PRKG1: variants seen among roughly 807,000 people sequenced by gnomAD.
PRKG1 encodes cGMP-dependent protein kinase 1.
A neutral mutation model predicts 88.1 loss-of-function variants in PRKG1; 35 were observed. The observed-to-expected ratio is 0.40, with a 90% CI of 0.30 to 0.53. The LOEUF is 0.53. Ranked by LOEUF, PRKG1 falls within the 20% of genes least tolerant of loss-of-function variation. The pLI is 0.59. For synonymous variants in PRKG1, 303 were observed against 292.5 expected, an observed-to-expected ratio of 1.04 and a Z score of -0.37; for missense variants, 540 against 839.8, an observed-to-expected ratio of 0.64 and a Z score of 4.41.
rs1043522535 is a variant in PRKG1 at position 52,211,033 on chromosome 10, G to A, written c.1077-40537G>A. Among the ~76,000 whole-genome samples, 18 of 152,276 alleles carry A rather than the reference G, an allele frequency of 1.2e-4. 1 individual carries two copies. Among genetic ancestry groups the A allele is most frequent in the Admixed American group, 1.0e-3 (16 of 15,292 alleles). On this transcript the variant is annotated intron_variant, in intron 9 of 17. Coordinates refer to ENST00000373980, the MANE Select transcript of PRKG1 (RefSeq NM_006258.4). The stretch of plus-strand genomic sequence containing the variant: ...TATATAGTAAACATTTACTGAACAT[G>A]TGTCGGCTACTATACTAAGCAATGA...
chr10:52,094,427 T>C (rs1847127646), intron 7 of PRKG1, among the ~76,000 whole-genome samples: 1 of 152,176 alleles, frequency 6.6e-6, no homozygotes, highest in African/African-American at 2.4e-5. Context: ...GCTCTCTCTC[T>C]CTCTCTTTTA....
intron 8 of PRKG1, among the ~76,000 whole-genome samples, chr10:52,150,740 A>G (rs905154922): frequency 2.0e-5 from 3 of 152,186 alleles, no homozygotes; most frequent in African/African-American, 7.2e-5. Flanking sequence ...ACTAAAACAG[A>G]TACCTTGGGA....
chr10:51,414,599 T>C (rs1256480704), intron 2 of PRKG1, among the ~76,000 whole-genome samples: 1 of 152,174 alleles, frequency 6.6e-6, no homozygotes, highest in Admixed American at 6.5e-5. Flanking sequence ...GTGGTAACAA[T>C]ATGCCAAATA....
intron 5 of PRKG1, among the ~76,000 whole-genome samples, chr10:51,937,449 C>T (rs1438677661): frequency 3.3e-5 from 5 of 151,960 alleles, no homozygotes; most frequent in Non-Finnish European, 5.9e-5. Flanking sequence ...CATATTGAAA[C>T]AGGCCATGGT....
At chr10:52,173,030 G>A (rs952082519) in intron 9 of PRKG1, among the ~76,000 whole-genome samples, 2 of 152,158 alleles carry the variant, frequency 1.3e-5, no homozygotes, top group Non-Finnish European at 2.9e-5. Flanking sequence ...TTTTGGAATC[G>A]TAACTCCCTT....
At chr10:51,309,126 C>T (rs1043890750) in intron 2 of PRKG1, among the ~76,000 whole-genome samples, 2 of 152,154 alleles carry the variant, frequency 1.3e-5, no homozygotes, top group Non-Finnish European at 2.9e-5. Flanking sequence ...TCCAGTTGGT[C>T]AAGTGCAACA....
At chr10:52,208,125 T>C (rs950870243) in intron 9 of PRKG1, among the ~76,000 whole-genome samples, 1 of 152,160 alleles carries the variant, frequency 6.6e-6, no homozygotes, top group Non-Finnish European at 1.5e-5. Flanking sequence ...CCAGAATTTG[T>C]CTTTTTAACC....
chr10:52,253,695 G>T (rs1004006215), intron 10 of PRKG1, among the ~76,000 whole-genome samples: 4 of 151,584 alleles, frequency 2.6e-5, no homozygotes, highest in African/African-American at 7.3e-5. Flanking sequence ...TCCTCTCATG[G>T]ATATTATATT....
At chr10:52,089,896 C>A (rs1310292008) in intron 7 of PRKG1, among the ~76,000 whole-genome samples, 1 of 139,806 alleles carries the variant, frequency 7.2e-6, no homozygotes, top group Non-Finnish European at 1.5e-5. Context: ...CTCACTGCAA[C>A]CTCTGCCTGC....
At chr10:50,999,641 T>C (rs1450445017) in intron 1 of PRKG1, among the ~76,000 whole-genome samples, 2 of 152,238 alleles carry the variant, frequency 1.3e-5, no homozygotes, top group African/African-American at 4.8e-5. Flanking sequence ...TTGCAAATAT[T>C]TGTGGGTCTA....
At chr10:51,415,591 T>C (rs1838213764) in intron 2 of PRKG1, among the ~76,000 whole-genome samples, 1 of 152,162 alleles carries the variant, frequency 6.6e-6, no homozygotes, top group Admixed American at 6.5e-5. Flanking sequence ...AGATTGCTCA[T>C]ACAGGCAGAA....
At chr10:52,136,898 C>T (rs906228669) in intron 8 of PRKG1, among the ~76,000 whole-genome samples, 1 of 152,012 alleles carries the variant, frequency 6.6e-6, no homozygotes, top group Non-Finnish European at 1.5e-5. Flanking sequence ...GAAAAATCAG[C>T]TTGAGTCTAA....
chr10:51,430,654 T>G (rs1838735178), intron 2 of PRKG1, among the ~76,000 whole-genome samples: 1 of 152,140 alleles, frequency 6.6e-6, no homozygotes, highest in African/African-American at 2.4e-5. Flanking sequence ...TGAAAACAAC[T>G]ATTTATAGCA....
intron 10 of PRKG1, among the ~76,000 whole-genome samples, chr10:52,268,977 T>G (rs1258782988): frequency 6.6e-6 from 1 of 151,822 alleles, no homozygotes; most frequent in African/African-American, 2.4e-5. Context: ...TTGCTTAGAC[T>G]GAGAGGGACT....
At chr10:51,343,140 A>C (rs1011968327) in intron 2 of PRKG1, among the ~76,000 whole-genome samples, 2 of 152,202 alleles carry the variant, frequency 1.3e-5, no homozygotes, top group Non-Finnish European at 2.9e-5. Context: ...TAGTTGTTGG[A>C]CTTCAGAATC....
intron 3 of PRKG1, among the ~76,000 whole-genome samples, chr10:51,478,233 A>G (rs1258036855): frequency 6.6e-6 from 1 of 152,132 alleles, no homozygotes; most frequent in Non-Finnish European, 1.5e-5. Context: ...TTAAAACAGT[A>G]ACTATTTTAA....
intron 1 of PRKG1, among the ~76,000 whole-genome samples, chr10:51,099,204 A>G (rs988794410): frequency 2.6e-5 from 4 of 152,120 alleles, no homozygotes; most frequent in African/African-American, 9.7e-5. Flanking sequence ...TAGTAGCCTC[A>G]TACCAACATG....
intron 3 of PRKG1, among the ~76,000 whole-genome samples, chr10:51,725,426 C>T (rs1380270598): frequency 7.0e-6 from 1 of 142,712 alleles, no homozygotes; most frequent in Non-Finnish European, 1.6e-5. Flanking sequence ...TAAAAAGACA[C>T]TTAGGCAACT....
chr10:52,130,927 A>G lies in PRKG1; in HGVS notation c.936-2913A>G, dbSNP rs1383033163. Among the ~76,000 whole-genome samples, 7 of 152,304 alleles carry G rather than the reference A, an allele frequency of 4.6e-5. No homozygotes were observed. In the East Asian group the frequency reaches 1.3e-3, roughly 29 times the overall value. On this transcript the variant is annotated intron_variant, in intron 7 of 17. Coordinates refer to ENST00000373980, the MANE Select transcript of PRKG1 (RefSeq NM_006258.4). Reference sequence around the variant, plus strand: ...GTGTTGGGGATGAAAAGAATTAGAAATAATAAACAACAGAACACAGTTCAG... The same window carrying G: ...GTGTTGGGGATGAAAAGAATTAGAAGTAATAAACAACAGAACACAGTTCAG...
Sources: gnomAD v4.1 joint callset for allele counts (sites outside exome capture counted in the v4.1 genomes callset) on GRCh38, gnomAD v4.1.1 for gene constraint, MANE v1.5 for transcripts, NCBI Gene and HGNC (gene_info 2026-07-23, HGNC 2026-07-21) for gene names.